STAU1: variants seen among roughly 807,000 people sequenced by gnomAD.
STAU1 encodes staufen double-stranded RNA binding protein 1, also known as double-stranded RNA-binding protein Staufen homolog 1.
STAU1 carries 13 observed loss-of-function variants against 62.9 expected under a neutral mutation model. That is an observed-to-expected ratio of 0.21 (90% CI 0.13 to 0.33). The LOEUF is 0.33. STAU1 is among the 10% of genes least tolerant of loss of function. The pLI is 1.00. For missense variants in STAU1, 571 were observed against 712.1 expected (o/e 0.80, Z 2.25); for synonymous variants, 269 against 265.1 (o/e 1.01, Z -0.14).
rs1313544580 is a variant in STAU1 at position 49,123,069 on chromosome 20, GCCCATCAT to G, written c.966+15_966+22del. The G allele has an allele frequency of 2.6e-6, 4 of 1,554,196 alleles. No individual in the cohort carries two copies. On this transcript the variant is annotated intron_variant, in intron 8 of 13. Transcript: ENST00000371856. ...GCTGGACGTGGTCAGAGGAAGGGGC[GCCCATCAT>G]CCATGCGGACCCACCTGCATCACAA...
chr20:49,176,966 C>A (rs1187203847), intron 1 of STAU1, among the ~76,000 whole-genome samples: 1 of 149,330 alleles, frequency 6.7e-6, no homozygotes, highest in African/African-American at 2.5e-5. Context: ...GGCTGGAGTG[C>A]AATGGCGTGA....
chr20:49,187,940 G>A (rs2093811484), intron 1 of STAU1, among the ~76,000 whole-genome samples, 176 bp downstream of exon 1: 2 of 151,860 alleles, frequency 1.3e-5, no homozygotes, highest in African/African-American at 4.8e-5. Flanking sequence ...CCGAGGCGAG[G>A]GAACGCAAGA....
intron 1 of STAU1, among the ~76,000 whole-genome samples, chr20:49,180,776 G>A (rs185930140): frequency 6.6e-6 from 1 of 152,284 alleles, no homozygotes; most frequent in East Asian, 1.9e-4. Context: ...AAGTAAACTG[G>A]AAAGCTATTT....
At chr20:49,209,394 T>C in the STAU1 span, among the ~76,000 whole-genome samples, 1 of 139,402 alleles carries the variant, frequency 7.2e-6, no homozygotes, top group Non-Finnish European at 1.5e-5. Flanking sequence ...CACCACCTGA[T>C]CAATAAATTG....
intron 3 of STAU1, among the ~76,000 whole-genome samples, chr20:49,163,218 C>G (rs552222445): frequency 1.3e-5 from 2 of 152,102 alleles, no homozygotes; most frequent in East Asian, 3.9e-4. Context: ...GACACTGACA[C>G]CCCATTTATT....
At chr20:49,197,246 A>T in the STAU1 span, among the ~76,000 whole-genome samples, 1 of 151,240 alleles carries the variant, frequency 6.6e-6, no homozygotes, top group Non-Finnish European at 1.5e-5. Context: ...ACAATAGAAT[A>T]ATGATCAGTA....
At chr20:49,165,770 GC>G (rs1245154501) in intron 3 of STAU1, among the ~76,000 whole-genome samples, 7 of 152,186 alleles carry the variant, frequency 4.6e-5, no homozygotes, top group Non-Finnish European at 1.0e-4. Flanking sequence ...GTAGTTTTCA[GC>G]TTTCAATTCT....
At chr20:49,119,885 G>T in intron 9 of STAU1, 97 bp downstream of exon 9, 1 of 1,427,514 alleles carries the variant, frequency 7.0e-7, no homozygotes, top group Non-Finnish European at 9.5e-7. Context: ...CTGTCAGGCA[G>T]ATAAAGCCTT....
intron 1 of STAU1, among the ~76,000 whole-genome samples, chr20:49,178,158 T>G (rs2093682241): frequency 6.6e-6 from 1 of 151,960 alleles, no homozygotes; most frequent in Non-Finnish European, 1.5e-5. Flanking sequence ...GCCTAGGCAA[T>G]GAAGCAAGAC....
At chr20:49,206,891 G>A in the STAU1 span, among the ~76,000 whole-genome samples, 1 of 151,058 alleles carries the variant, frequency 6.6e-6, no homozygotes, top group African/African-American at 2.4e-5. Context: ...GAGTAGCTGG[G>A]ATTACAGGCG....
At chr20:49,171,128 A>ATT (rs2093591728) in intron 2 of STAU1, among the ~76,000 whole-genome samples, 1 of 152,196 alleles carries the variant, frequency 6.6e-6, no homozygotes, top group African/African-American at 2.4e-5. Flanking sequence ...ATCACATGTA[A>ATT]ATCTATTATT....
intron 3 of STAU1, among the ~76,000 whole-genome samples, chr20:49,157,218 C>A (rs544149456): frequency 6.6e-6 from 1 of 152,214 alleles, no homozygotes; most frequent in East Asian, 1.9e-4. Context: ...AGATATTTTG[C>A]AAACTTGATT....
chr20:49,144,137 T>C (rs1195245401), intron 5 of STAU1, among the ~76,000 whole-genome samples: 1 of 152,196 alleles, frequency 6.6e-6, no homozygotes, highest in East Asian at 1.9e-4. Context: ...ATCAATCCAG[T>C]TATTTTTGTC....
At chr20:49,186,076 A>G (rs528395681) in intron 1 of STAU1, among the ~76,000 whole-genome samples, 108 of 152,222 alleles carry the variant, frequency 7.1e-4, no homozygotes, top group African/African-American at 2.6e-3. Context: ...CTGGGATTAC[A>G]GGCGTGAGCC....
At chr20:49,125,091 A>AAAAAC (rs2092566010) in intron 6 of STAU1, among the ~76,000 whole-genome samples, 1 of 137,144 alleles carries the variant, frequency 7.3e-6, no homozygotes, top group Non-Finnish European at 1.6e-5. Flanking sequence ...AAAAAAAAAA[A>AAAAAC]CCCACAAAAG....
intron 6 of STAU1, among the ~76,000 whole-genome samples, chr20:49,126,146 G>C (rs2092607200): frequency 6.6e-6 from 1 of 151,524 alleles, no homozygotes; most frequent in East Asian, 1.9e-4. Flanking sequence ...TTGGCAATTG[G>C]TTTTTAAGAT....
At chr20:49,145,241 T>C (rs67493040) in intron 5 of STAU1, among the ~76,000 whole-genome samples, 32,457 of 150,706 alleles carry the variant, frequency 0.22, 3,561 homozygotes, top group Non-Finnish European at 0.24. Context: ...CTGGCCAACA[T>C]GGTGAAACCC....
chr20:49,147,377 G>A (rs1308434487), intron 5 of STAU1, among the ~76,000 whole-genome samples: 2 of 152,216 alleles, frequency 1.3e-5, no homozygotes, highest in South Asian at 4.1e-4. Context: ...GACAGCAAGC[G>A]CTGGCTTTAC....
the STAU1 span, among the ~76,000 whole-genome samples, chr20:49,197,015 C>T: frequency 2.6e-5 from 4 of 151,682 alleles, no homozygotes; most frequent in African/African-American, 9.7e-5. Flanking sequence ...ATTAGCCAGG[C>T]GTGGCGGCAT....
Sources: gnomAD v4.1 joint callset for allele counts (sites outside exome capture counted in the v4.1 genomes callset) on GRCh38, gnomAD v4.1.1 for gene constraint, MANE v1.5 for transcripts, NCBI Gene and HGNC (gene_info 2026-07-23, HGNC 2026-07-21) for gene names.